Variants in PLAC1 observed in about 807,000 individuals in gnomAD.
PLAC1 encodes the protein placenta-specific protein 1.
For missense variants in PLAC1, 136 were observed against 163.2 expected (o/e 0.83, Z 0.91); for synonymous variants, 68 against 62.1 (o/e 1.09, Z -0.44).
intron 2 of PLAC1, among the ~76,000 whole-genome samples, chrX:134,685,419 G>T (rs936168168): frequency 3.8e-5 from 4 of 105,855 alleles, no homozygotes; most frequent in Non-Finnish European, 5.8e-5. Context: ...GAAATATATG[G>T]AATACAGCAG....
At chrX:134,657,904 T>C (rs778801720) in intron 1 of PLAC1, among the ~76,000 whole-genome samples, 1 of 111,755 alleles carries the variant, frequency 8.9e-6, no homozygotes, top group South Asian at 3.9e-4. Flanking sequence ...GGGGAAAGAA[T>C]AGGCAGTTAG....
chrX:134,632,181 A>C (rs970217753), intron 1 of PLAC1, among the ~76,000 whole-genome samples: 2 of 111,620 alleles, frequency 1.8e-5, no homozygotes, highest in Non-Finnish European at 3.8e-5. Flanking sequence ...CTGGGGACTT[A>C]GCACAGCCGG....
At chrX:134,755,237 T>C (rs748100129) in intron 1 of PLAC1, among the ~76,000 whole-genome samples, 1 of 112,070 alleles carries the variant, frequency 8.9e-6, no homozygotes, top group Non-Finnish European at 1.9e-5. Flanking sequence ...AACATAGATT[T>C]AGATTCAATT....
chrX:134,652,703 C>T, intron 1 of PLAC1, among the ~76,000 whole-genome samples: 1 of 108,588 alleles, frequency 9.2e-6, no homozygotes, highest in Non-Finnish European at 1.9e-5. Flanking sequence ...TTAACAATAA[C>T]ATCTACCTCA....
At chrX:134,578,521 T>TC (rs1218947799) in intron 2 of PLAC1, among the ~76,000 whole-genome samples, 1 of 90,353 alleles carries the variant, frequency 1.1e-5, no homozygotes, top group Non-Finnish European at 2.1e-5. Flanking sequence ...CTTTCTTTTT[T>TC]TTTTTTTTTT....
At chrX:134,644,104 A>G (rs764305009) in intron 1 of PLAC1, among the ~76,000 whole-genome samples, 2 of 111,276 alleles carry the variant, frequency 1.8e-5, no homozygotes, top group Non-Finnish European at 3.8e-5. Context: ...AGTCAAGAAC[A>G]AGATAGAAAT....
chrX:134,576,934 A>AT (rs1161141712), intron 2 of PLAC1, among the ~76,000 whole-genome samples: 1 of 111,794 alleles, frequency 8.9e-6, no homozygotes, highest in Non-Finnish European at 1.9e-5. Flanking sequence ...AAGACAATAC[A>AT]TTTTTTGTTG....
rs779146731 is a variant in PLAC1 at position 134,732,880 on chromosome X, CTG to C, written n.174+553_174+554del. The stretch of plus-strand genomic sequence containing the variant: ...AGTCAGAGAAGCCAGAGATGCAACT[CTG>C]TGGTTACTTAACCAGCTTGGAGTAA... On this transcript the variant is annotated intron_variant and non_coding_transcript_variant, in intron 2 of 2. Coordinates refer to the PLAC1 transcript ENST00000466797. Among the ~76,000 whole-genome samples, 493 of 112,185 alleles carry C rather than the reference CTG, an allele frequency of 4.4e-3. 3 individuals carry two copies. Among genetic ancestry groups the C allele is most frequent in the African/African-American group, 0.015 (474 of 30,875 alleles).
intron 1 of PLAC1, among the ~76,000 whole-genome samples, chrX:134,741,502 T>A (rs1414911677): frequency 3.6e-5 from 4 of 111,134 alleles, no homozygotes. Flanking sequence ...ACATACCCAA[T>A]CACCGAGGAG....
intron 2 of PLAC1, among the ~76,000 whole-genome samples, chrX:134,704,928 G>A (rs902326227): frequency 9.9e-6 from 1 of 100,806 alleles, no homozygotes; most frequent in African/African-American, 3.7e-5. Context: ...AGGAGGCAGA[G>A]GTTGCAGTGA....
At position 134,735,750 on chromosome X, in the gene PLAC1, C is replaced by T. The variant is rs761790781; in HGVS notation, n.90-2231G>A. On this transcript the variant is annotated intron_variant and non_coding_transcript_variant, in intron 1 of 2. Coordinates refer to the PLAC1 transcript ENST00000466797. ...CCATGGTATCTCAACTGGTACAACT[C>T]CTCATCTCCTAAAAGACTGCCTTGG... 3.6e-5 allele frequency among the ~76,000 whole-genome samples: 4 copies of T among 110,595 alleles called. No homozygotes were observed. The South Asian group carries it at 1.5e-3, about 43-fold the overall frequency.
intron 1 of PLAC1, among the ~76,000 whole-genome samples, chrX:134,628,928 C>T: frequency 8.9e-6 from 1 of 111,745 alleles, no homozygotes; most frequent in African/African-American, 3.2e-5. Context: ...AAAGTCCTCT[C>T]GTTATATCCA....
At chrX:134,635,066 C>A (rs2078277462) in intron 1 of PLAC1, among the ~76,000 whole-genome samples, 1 of 111,740 alleles carries the variant, frequency 8.9e-6, no homozygotes, top group Non-Finnish European at 1.9e-5. Context: ...GGGTTGGTGG[C>A]TTGGAGAAGC....
chrX:134,583,329 C>T (rs764841268), intron 2 of PLAC1, among the ~76,000 whole-genome samples: 1 of 105,784 alleles, frequency 9.5e-6, no homozygotes, highest in African/African-American at 3.5e-5. Context: ...TGGCCTCAAG[C>T]GATGCTTCTC....
At chrX:134,629,444 CATT>C (rs760396354) in intron 1 of PLAC1, among the ~76,000 whole-genome samples, 6 of 110,623 alleles carry the variant, frequency 5.4e-5, no homozygotes, top group African/African-American at 2.0e-4. Flanking sequence ...CAGGCGGTCC[CATT>C]ATTATTATTA....
chrX:134,649,571 T>C (rs1345329573), intron 1 of PLAC1, among the ~76,000 whole-genome samples: 1 of 111,319 alleles, frequency 9.0e-6, no homozygotes, highest in Non-Finnish European at 1.9e-5. Context: ...CTGACTATAC[T>C]ATAATGTAAG....
chrX:134,623,848 G>A lies in PLAC1; in HGVS notation c.-130-21726C>T, dbSNP rs138539418. ...TGCAAAGTGTTGACTTTACAACACCGGAAATGGGTCATGTTTTCCTTTTAA... is the reference window on the plus strand; with the variant it reads ...TGCAAAGTGTTGACTTTACAACACCAGAAATGGGTCATGTTTTCCTTTTAA... On this transcript the variant is annotated intron_variant, in intron 1 of 2. Transcript: ENST00000359237. Among the ~76,000 whole-genome samples, 567 of 112,119 alleles carry A rather than the reference G, an allele frequency of 5.1e-3. 3 individuals carry two copies. Among genetic ancestry groups the A allele is most frequent in the African/African-American group, 0.016 (502 of 30,888 alleles).
At chrX:134,706,758 G>A (rs750036050) in intron 2 of PLAC1, among the ~76,000 whole-genome samples, 1 of 111,582 alleles carries the variant, frequency 9.0e-6, no homozygotes, top group South Asian at 3.7e-4. Flanking sequence ...ATTTTAGAAT[G>A]AGAAAACAAC....
chrX:134,614,793 C>T (rs988071952), intron 1 of PLAC1, among the ~76,000 whole-genome samples: 2 of 111,278 alleles, frequency 1.8e-5, no homozygotes, highest in Non-Finnish European at 3.8e-5. Context: ...CATTATCATG[C>T]CCAGCTAATT....
Sources: allele counts gnomAD v4.1 joint callset (sites outside exome capture counted in the v4.1 genomes callset), GRCh38; gene constraint gnomAD v4.1.1; transcripts MANE v1.5; gene names NCBI Gene and HGNC (gene_info 2026-07-23, HGNC 2026-07-21).